Variants in OPCML observed in about 807,000 individuals in gnomAD.
The protein encoded by OPCML is opioid-binding protein/cell adhesion molecule.
OPCML carries 13 observed loss-of-function variants against 37.8 expected under a neutral mutation model. That is an observed-to-expected ratio of 0.34 (90% confidence interval 0.22 to 0.55). The LOEUF is 0.55. Ranked by LOEUF, OPCML falls within the 20% of genes least tolerant of loss-of-function variation. The probability of loss-of-function intolerance (pLI) is 0.91; values close to 1 mark genes in which losing one functional copy is unlikely to be tolerated. For synonymous variants in OPCML, 176 were observed against 168.8 expected, an observed-to-expected ratio of 1.04 and a Z score of -0.33; for missense variants, 341 against 435.6, an observed-to-expected ratio of 0.78 and a Z score of 1.93.
At chr11:133,446,119 T>C (rs1039207218) in intron 1 of OPCML, among the ~76,000 whole-genome samples, 4 of 152,164 alleles carry the variant, frequency 2.6e-5, no homozygotes, top group African/African-American at 9.7e-5. Context: ...GCTTACTGGG[T>C]CTGTAGGAGG....
intron 3 of OPCML, among the ~76,000 whole-genome samples, chr11:132,579,227 C>A (rs546785314): frequency 6.6e-6 from 1 of 152,214 alleles, no homozygotes; most frequent in Admixed American, 6.5e-5. Context: ...ATCAAGAACT[C>A]CTGGGCACTT....
rs145235453 is a variant in OPCML, at chr11:133,098,907, T to C, written c.62-155897A>G. ...TATTTCTTTGCAGATGACATGATCA[T>C]CTATGTAGCAAATACAGAAGAATCA... On this transcript the variant is annotated intron_variant, in intron 1 of 7. Transcript: ENST00000524381. 7.2e-3 allele frequency among the ~76,000 whole-genome samples: 1,091 copies of C among 152,276 alleles called. 15 individuals carry two copies. The highest frequency in any genetic ancestry group is 0.024 in the African/African-American group (1,009 of 41,564).
At chr11:132,438,042 T>C (rs1168192589) in intron 4 of OPCML, among the ~76,000 whole-genome samples, 1 of 152,234 alleles carries the variant, frequency 6.6e-6, no homozygotes, top group Non-Finnish European at 1.5e-5. Flanking sequence ...GCCTAGTGGA[T>C]TTAATACTCA....
intron 2 of OPCML, among the ~76,000 whole-genome samples, chr11:132,920,962 A>C (rs936858124): frequency 5.3e-5 from 8 of 152,026 alleles, no homozygotes; most frequent in Non-Finnish European, 1.0e-4. Context: ...TGATTTAAGA[A>C]GTTTTCCTTG....
chr11:133,101,487 C>T (rs143719027), intron 1 of OPCML, among the ~76,000 whole-genome samples: 4 of 152,144 alleles, frequency 2.6e-5, no homozygotes, highest in African/African-American at 9.6e-5. Context: ...TCATCATATG[C>T]CATTAGGAAA....
chr11:133,120,188 G>A (rs1425126504), intron 1 of OPCML, among the ~76,000 whole-genome samples: 1 of 152,112 alleles, frequency 6.6e-6, no homozygotes, highest in Non-Finnish European at 1.5e-5. Context: ...GTATATGTGT[G>A]TATACATATT....
At chr11:133,124,082 A>G (rs985958908) in intron 1 of OPCML, among the ~76,000 whole-genome samples, 1 of 152,074 alleles carries the variant, frequency 6.6e-6, no homozygotes, top group African/African-American at 2.4e-5. Context: ...TGGGTACCCA[A>G]TGGAGAGAAG....
chr11:132,833,908 GA>G (rs1940858963), intron 2 of OPCML, among the ~76,000 whole-genome samples: 1 of 152,232 alleles, frequency 6.6e-6, no homozygotes, highest in Admixed American at 6.5e-5. Context: ...ATCAGAAAGA[GA>G]AATGAAGTAT....
chr11:132,998,076 G>A (rs571306016), intron 1 of OPCML, among the ~76,000 whole-genome samples: 64 of 152,092 alleles, frequency 4.2e-4, no homozygotes, highest in Non-Finnish European at 7.4e-4. Context: ...AATGTCCTGC[G>A]GCTGCCTGCC....
intron 2 of OPCML, among the ~76,000 whole-genome samples, chr11:132,716,888 A>G (rs920375684): frequency 6.6e-6 from 1 of 152,190 alleles, no homozygotes; most frequent in East Asian, 1.9e-4. Context: ...TCTTTCTTAT[A>G]AATAATTTTT....
At chr11:132,655,168 A>C (rs1440905217) in intron 3 of OPCML, among the ~76,000 whole-genome samples, 1 of 152,160 alleles carries the variant, frequency 6.6e-6, no homozygotes, top group Non-Finnish European at 1.5e-5. Context: ...GCTCTGTTTG[A>C]GTCTGTTTCT....
intron 1 of OPCML, among the ~76,000 whole-genome samples, chr11:133,022,981 A>G (rs7127303): frequency 0.66 from 100,985 of 152,148 alleles, 34,054 homozygotes; most frequent in East Asian, 0.81. Flanking sequence ...AGGCAGGCGA[A>G]TATTTGTACA....
chr11:132,558,760 A>G (rs1380816465), intron 3 of OPCML, among the ~76,000 whole-genome samples: 1 of 151,960 alleles, frequency 6.6e-6, no homozygotes, highest in Non-Finnish European at 1.5e-5. Flanking sequence ...TGCCAGGAAC[A>G]AAAGTCCCAT....
At chr11:132,549,980 C>A (rs891057854) in intron 3 of OPCML, among the ~76,000 whole-genome samples, 9 of 152,278 alleles carry the variant, frequency 5.9e-5, no homozygotes, top group African/African-American at 1.9e-4. Flanking sequence ...TGCTCGATAA[C>A]AAACCCCAGG....
At chr11:133,511,305 G>A (rs1350599941) in intron 1 of OPCML, among the ~76,000 whole-genome samples, 2 of 152,134 alleles carry the variant, frequency 1.3e-5, no homozygotes, top group Non-Finnish European at 2.9e-5. Context: ...AGCGAGTCCT[G>A]CTACTCCTCT....
At chr11:132,621,473 A>T (rs1939403490) in intron 3 of OPCML, among the ~76,000 whole-genome samples, 1 of 152,248 alleles carries the variant, frequency 6.6e-6, no homozygotes, top group Non-Finnish European at 1.5e-5. Flanking sequence ...CAATTAAAAA[A>T]TGAACTATTA....
chr11:132,455,064 T>C (rs2096078157), intron 4 of OPCML, among the ~76,000 whole-genome samples: 1 of 152,130 alleles, frequency 6.6e-6, no homozygotes, highest in African/African-American at 2.4e-5. Flanking sequence ...TCGAACCCTG[T>C]CTCCTAAAAC....
chr11:133,055,478 G>A lies in OPCML; in HGVS notation c.62-112468C>T, dbSNP rs111559091. Among the ~76,000 whole-genome samples the A allele has an allele frequency of 5.4e-3, 781 of 143,822 alleles. 14 individuals carry two copies. Among genetic ancestry groups the A allele is most frequent in the African/African-American group, 0.019 (729 of 37,978 alleles). 94.4% of individuals were successfully genotyped at this position (143,822 alleles called of 152,430 possible). A position where few individuals can be genotyped will look rare whatever the true frequency, so the allele number is the denominator to read the frequency against. ...ACTTCATGAGGGAGCCGCCTCTACC[G>A]TACAATGCTGCCTCCATGATACTTC... On this transcript the variant is annotated intron_variant, in intron 1 of 7. Transcript: ENST00000524381.
chr11:132,990,797 C>T (rs566675331), intron 1 of OPCML, among the ~76,000 whole-genome samples: 1 of 152,274 alleles, frequency 6.6e-6, no homozygotes, highest in Admixed American at 6.5e-5. Context: ...TCTCTCTTGC[C>T]TGTATCTATA....
Sources: allele counts gnomAD v4.1 joint callset (sites outside exome capture counted in the v4.1 genomes callset), GRCh38; gene constraint gnomAD v4.1.1; transcripts MANE v1.5; gene names NCBI Gene and HGNC (gene_info 2026-07-23, HGNC 2026-07-21).